Variants in DCC observed in about 807,000 individuals in gnomAD.
DCC encodes the protein DCC netrin 1 receptor.
In DCC, 58 loss-of-function variants were observed where a neutral mutation model predicts 172.5. That is an observed-to-expected ratio of 0.34 (90% CI 0.27 to 0.42). The LOEUF (loss-of-function observed/expected upper bound fraction) is 0.42. Among genes scored for constraint, DCC ranks in the 10% least tolerant of loss-of-function variants. The probability of loss-of-function intolerance (pLI) is 1.00; values close to 1 mark genes in which losing one functional copy is unlikely to be tolerated. For synonymous variants in DCC, 709 were observed against 644.5 expected (o/e 1.10, Z -1.52); for missense variants, 1,740 against 1,791.0 (o/e 0.97, Z 0.51).
chr18:52,963,332 T>C (rs866436654), intron 5 of DCC, among the ~76,000 whole-genome samples: 61 of 151,764 alleles, frequency 4.0e-4, no homozygotes, highest in African/African-American at 1.4e-3. Context: ...GTGTGAAAAA[T>C]GTTTTCTAGG....
intron 1 of DCC, among the ~76,000 whole-genome samples, chr18:52,384,077 T>A (rs1275141273): frequency 6.6e-6 from 1 of 152,132 alleles, no homozygotes; most frequent in Non-Finnish European, 1.5e-5. Flanking sequence ...TATTTCCTAT[T>A]TGTCTTCTCA....
At chr18:52,408,459 AAT>A (rs2144396331) in intron 1 of DCC, among the ~76,000 whole-genome samples, 1 of 152,200 alleles carries the variant, frequency 6.6e-6, no homozygotes, top group African/African-American at 2.4e-5. Context: ...TCATTTTAGA[AAT>A]ATGAGATAAG....
intron 3 of DCC, among the ~76,000 whole-genome samples, chr18:52,920,388 T>C (rs1378482622): frequency 6.6e-6 from 1 of 151,972 alleles, no homozygotes; most frequent in East Asian, 1.9e-4. Context: ...AGATAAAAGA[T>C]CTGAACAGAC....
chr18:52,654,433 G>A (rs533590947), intron 1 of DCC, among the ~76,000 whole-genome samples: 26 of 152,104 alleles, frequency 1.7e-4, no homozygotes, highest in Admixed American at 9.8e-4. Context: ...AGATTGGGTG[G>A]CTTAAACAAC....
intron 22 of DCC, among the ~76,000 whole-genome samples, chr18:53,446,393 CACAGTGCCCTATAGGATATTTGCAAGTCT>C (rs914699769): frequency 3.3e-5 from 5 of 152,126 alleles, no homozygotes; most frequent in African/African-American, 1.2e-4. Context: ...ATGAAATCAT[CACAGTGCCCTATAGGATATTTGCAAGTCT>C]TTGAATGACT....
At chr18:52,954,447 C>T (rs2040708602) in intron 5 of DCC, among the ~76,000 whole-genome samples, 1 of 151,958 alleles carries the variant, frequency 6.6e-6, no homozygotes, top group African/African-American at 2.4e-5. Flanking sequence ...TGCCAATAGT[C>T]ATTTGGGGAA....
At chr18:52,884,014 G>A (rs751706547) in intron 2 of DCC, among the ~76,000 whole-genome samples, 7 of 151,600 alleles carry the variant, frequency 4.6e-5, no homozygotes, top group African/African-American at 7.3e-5. Flanking sequence ...AGCACTTTAA[G>A]TATATCATGC....
At chr18:53,219,729 C>T (rs2055902737) in intron 12 of DCC, among the ~76,000 whole-genome samples, 1 of 152,126 alleles carries the variant, frequency 6.6e-6, no homozygotes, top group Admixed American at 6.6e-5. Context: ...CTTAAAGTGT[C>T]TCACTCTCCC....
At chr18:53,521,264 C>T (rs993546634) in intron 27 of DCC, among the ~76,000 whole-genome samples, 6 of 152,098 alleles carry the variant, frequency 3.9e-5, no homozygotes, top group Non-Finnish European at 7.4e-5. Context: ...TAACTGTTGC[C>T]TGGGCACTAG....
intron 5 of DCC, among the ~76,000 whole-genome samples, chr18:52,975,933 C>T (rs1323022842): frequency 1.3e-5 from 2 of 152,160 alleles, no homozygotes; most frequent in Non-Finnish European, 1.5e-5. Context: ...GGAATCACCA[C>T]GCTGTCCTTC....
intron 14 of DCC, among the ~76,000 whole-genome samples, chr18:53,334,947 A>G (rs1350382285): frequency 6.6e-6 from 1 of 152,182 alleles, no homozygotes; most frequent in Non-Finnish European, 1.5e-5. Flanking sequence ...TTTTGCATTT[A>G]TACTTAGATG....
intron 5 of DCC, among the ~76,000 whole-genome samples, chr18:52,951,473 C>G (rs1478182032): frequency 6.6e-6 from 1 of 151,982 alleles, no homozygotes. Flanking sequence ...GTGATATTCT[C>G]CTCCCTGTGT....
intron 1 of DCC, among the ~76,000 whole-genome samples, chr18:52,700,593 C>A (rs2036108906): frequency 6.6e-6 from 1 of 152,142 alleles, no homozygotes. Context: ...TGAATATGGG[C>A]TAATATAGTT....
chr18:52,435,853 C>G (rs1787747), intron 1 of DCC, among the ~76,000 whole-genome samples: 49,853 of 152,022 alleles, frequency 0.33, 11,371 homozygotes, highest in African/African-American at 0.64. Context: ...CTGTGAGTGA[C>G]GGAGCACCTG....
At chr18:53,175,580 G>C (rs2055079533) in intron 8 of DCC, among the ~76,000 whole-genome samples, 1 of 149,304 alleles carries the variant, frequency 6.7e-6, no homozygotes, top group Non-Finnish European at 1.5e-5. Context: ...ATTCACAATT[G>C]CTTCAAAGAG....
intron 5 of DCC, among the ~76,000 whole-genome samples, chr18:53,014,730 A>G (rs2041783831): frequency 6.6e-6 from 1 of 152,056 alleles, no homozygotes; most frequent in Non-Finnish European, 1.5e-5. Context: ...TGAAGAAAAA[A>G]TCATTGGTTT....
intron 1 of DCC, among the ~76,000 whole-genome samples, chr18:52,612,246 G>A (rs2034290234): frequency 6.6e-6 from 1 of 152,086 alleles, no homozygotes; most frequent in Non-Finnish European, 1.5e-5. Flanking sequence ...CCTGCACTCA[G>A]TTATTCAATC....
chr18:53,024,106 G>A (rs2041922864), intron 5 of DCC, among the ~76,000 whole-genome samples: 1 of 152,102 alleles, frequency 6.6e-6, no homozygotes, highest in African/African-American at 2.4e-5. Context: ...GGAGAAAATT[G>A]ACTTGAAGAA....
At chr18:52,817,835 CAT>C (rs1252957691) in intron 2 of DCC, among the ~76,000 whole-genome samples, 1 of 151,478 alleles carries the variant, frequency 6.6e-6, no homozygotes, top group Non-Finnish European at 1.5e-5. Flanking sequence ...TATGTGAATA[CAT>C]ATAAATATAC....
Sources: allele counts gnomAD v4.1 joint callset (sites outside exome capture counted in the v4.1 genomes callset), GRCh38; gene constraint gnomAD v4.1.1; transcripts MANE v1.5; gene names NCBI Gene and HGNC (gene_info 2026-07-23, HGNC 2026-07-21).